Variants in ZNF385D observed in about 807,000 individuals in gnomAD.
ZNF385D encodes zinc finger protein 659.
In ZNF385D, 15 loss-of-function variants were observed where a neutral mutation model predicts 35.8. The ratio of observed to expected loss-of-function variants is 0.42; its 90% CI spans 0.28 to 0.64. The LOEUF is 0.64. Ranked by LOEUF, ZNF385D falls within the 30% of genes least tolerant of loss-of-function variation. The pLI is 0.23. For missense variants in ZNF385D, 474 were observed against 494.6 expected, an observed-to-expected ratio of 0.96 and a Z score of 0.39; for synonymous variants, 212 against 186.8, an observed-to-expected ratio of 1.13 and a Z score of -1.10.
intron 3 of ZNF385D, among the ~76,000 whole-genome samples, chr3:22,097,926 C>A (rs1701716734): frequency 6.6e-6 from 1 of 151,998 alleles, no homozygotes; most frequent in African/African-American, 2.4e-5. Flanking sequence ...GTGGCATTGT[C>A]ATTTACAACT....
At chr3:22,216,917 A>T (rs1459774761) in intron 2 of ZNF385D, among the ~76,000 whole-genome samples, 1 of 152,136 alleles carries the variant, frequency 6.6e-6, no homozygotes, top group Non-Finnish European at 1.5e-5. Context: ...TATGATGAAG[A>T]TGAGTGAGCC....
Position 21,574,016 on chromosome 3 carries a change from C to T in ZNF385D, c.166-9332G>A, listed in dbSNP as rs994697749. Among the ~76,000 whole-genome samples the T allele has an allele frequency of 6.1e-5, 9 of 148,312 alleles. No homozygotes were observed. The East Asian group carries it at 8.0e-4, about 13-fold the overall frequency. On this transcript the variant is annotated intron_variant, in intron 2 of 7. Transcript: ENST00000281523. Reference sequence around the variant, plus strand: ...TGGAGGTTGCAGTGAGCTGAGATGACGCCACTGCACTCTAGCCTGCACAAC... The same window carrying T: ...TGGAGGTTGCAGTGAGCTGAGATGATGCCACTGCACTCTAGCCTGCACAAC...
intron 2 of ZNF385D, among the ~76,000 whole-genome samples, chr3:22,175,894 G>C (rs891335884): frequency 6.8e-6 from 1 of 148,122 alleles, no homozygotes; most frequent in African/African-American, 2.5e-5. Flanking sequence ...TTACTGTTAT[G>C]GTAAAACATT....
chr3:21,910,197 C>T (rs564457762), intron 3 of ZNF385D, among the ~76,000 whole-genome samples: 3 of 152,036 alleles, frequency 2.0e-5, no homozygotes, highest in African/African-American at 7.2e-5. Flanking sequence ...CTATGTGACT[C>T]TTGGGCTTCA....
intron 3 of ZNF385D, among the ~76,000 whole-genome samples, chr3:21,528,718 G>A (rs2061847234): frequency 6.6e-6 from 1 of 152,108 alleles, no homozygotes; most frequent in Non-Finnish European, 1.5e-5. Flanking sequence ...TCTTTTGATT[G>A]ATGTATACAG....
chr3:22,360,858 G>C (rs144555144), intron 2 of ZNF385D, among the ~76,000 whole-genome samples: 1 of 151,860 alleles, frequency 6.6e-6, no homozygotes, highest in East Asian at 1.9e-4. Flanking sequence ...GCTATTAATC[G>C]GGGCGATCAC....
chr3:21,544,439 G>T (rs2062300260), intron 3 of ZNF385D, among the ~76,000 whole-genome samples: 1 of 151,876 alleles, frequency 6.6e-6, no homozygotes, highest in Non-Finnish European at 1.5e-5. Context: ...TGTGTTTTGT[G>T]TTTTTTTTAG....
rs140017962 is a variant in ZNF385D at position 21,646,102 on chromosome 3, G to GTT, written c.165+18782_165+18783dup. ...AGGCTGAGGCCAAAGTGTCAGATAA[G>GTT]TTTTTTTTAAAGAAAGAAAACCTCA... is the stretch of plus-strand genomic sequence containing the variant. On this transcript the variant is annotated intron_variant, in intron 2 of 7. Transcript: ENST00000281523. This position sits in a 1 kb window ranked among gnomAD's most constrained non-coding sequence, Gnocchi z 4.3. 1.3e-5 allele frequency among the ~76,000 whole-genome samples: 2 copies of GTT among 151,858 alleles called. No individual in the cohort carries two copies. Among genetic ancestry groups the GTT allele is most frequent in the African/African-American group, 4.8e-5 (2 of 41,330 alleles).
intron 1 of ZNF385D, among the ~76,000 whole-genome samples, chr3:21,702,969 T>C (rs1465670480): frequency 6.6e-6 from 1 of 152,204 alleles, no homozygotes; most frequent in Non-Finnish European, 1.5e-5. Flanking sequence ...CTTTTCTATA[T>C]TCTTCTGAGC....
intron 1 of ZNF385D, among the ~76,000 whole-genome samples, chr3:21,741,843 C>G (rs1200241592): frequency 2.0e-5 from 3 of 152,118 alleles, no homozygotes; most frequent in African/African-American, 7.2e-5. Flanking sequence ...GGTTCCTGCC[C>G]TGCTCGCTTT....
Position 21,415,151 on chromosome 3 carries a change from T to C in ZNF385D, c.*6063A>G, listed in dbSNP as rs991512748. 6.6e-6 allele frequency: 1 copy of C among 152,160 alleles called. No homozygotes were observed. The highest frequency in any genetic ancestry group is 1.5e-5 in the Non-Finnish European group (1 of 68,016). The allele number at this position is 152,160 out of a possible 1,614,324, so 9.4% of individuals were successfully genotyped here. ...AATAGATTTATGTTGAACAATCCTA[T>C]TAGTGAGAGACTTTAAAAATAATAT... On this transcript the variant is annotated 3_prime_UTR_variant, in exon 8 of 8. Coordinates refer to ENST00000281523, the MANE Select transcript of ZNF385D (RefSeq NM_024697.3).
intron 3 of ZNF385D, among the ~76,000 whole-genome samples, chr3:22,063,685 C>T (rs992817344): frequency 2.0e-5 from 3 of 152,176 alleles, no homozygotes; most frequent in Non-Finnish European, 4.4e-5. Flanking sequence ...GCTGATAGCC[C>T]TCAGCTCTCT....
chr3:22,204,853 A>G (rs1206184121), intron 2 of ZNF385D, among the ~76,000 whole-genome samples: 1 of 151,886 alleles, frequency 6.6e-6, no homozygotes, highest in African/African-American at 2.4e-5. Context: ...AAGCATGCCT[A>G]CAAGATCTAG....
At chr3:21,696,993 T>C (rs1038817362) in intron 1 of ZNF385D, among the ~76,000 whole-genome samples, 14 of 152,338 alleles carry the variant, frequency 9.2e-5, no homozygotes, top group African/African-American at 3.4e-4. Context: ...TAACAGTTTA[T>C]ATATCATTCT....
At chr3:21,668,186 C>T (rs2066462886) in intron 1 of ZNF385D, among the ~76,000 whole-genome samples, 1 of 152,124 alleles carries the variant, frequency 6.6e-6, no homozygotes, top group Non-Finnish European at 1.5e-5. Flanking sequence ...GGCCTGAGAG[C>T]CTCTTTACAA....
chr3:21,629,613 C>T lies in ZNF385D; in HGVS notation c.165+35273G>A, dbSNP rs149546237. Among the ~76,000 whole-genome samples the T allele has an allele frequency of 3.1e-3, 471 of 152,216 alleles. 10 individuals carry two copies. The East Asian group carries it at 0.071, about 23-fold the overall frequency. On this transcript the variant is annotated intron_variant, in intron 2 of 7. Transcript: ENST00000281523. ...TTTCTTCTTCTTTTTTTAACCCAAT[C>T]AGCATTTCCTCAGGCTTCCTTCTAG...
rs529002353 is a variant in ZNF385D, at chr3:21,519,398, T to G, written c.277-8375A>C. On this transcript the variant is annotated intron_variant, in intron 3 of 7. Transcript: ENST00000281523. ...TTCACCATTCCTTAACATTAGGTAT[T>G]TAATGTTTTCAAGTATCTAAAGTGA... Among the ~76,000 whole-genome samples the G allele has an allele frequency of 3.9e-5, 6 of 152,296 alleles. No individual in the cohort carries two copies. In the South Asian group the frequency reaches 1.0e-3, roughly 26 times the overall value.
At chr3:21,965,333 G>A (rs978024385) in intron 3 of ZNF385D, among the ~76,000 whole-genome samples, 3 of 152,122 alleles carry the variant, frequency 2.0e-5, no homozygotes, top group Non-Finnish European at 4.4e-5. Context: ...CAATTACTGA[G>A]TACTTACTGT....
In ZNF385D at chr3:21,606,680, T is replaced by G. The variant is rs190203531; in HGVS notation, c.166-41996A>C. Among the ~76,000 whole-genome samples, 80 of 152,258 alleles carry G rather than the reference T, an allele frequency of 5.3e-4. No individual in the cohort carries two copies. In the East Asian group the frequency reaches 0.012, roughly 22 times the overall value. ...GACCTGAACTGAAAAACAAAAGGTTTGGATTATAGGAAGCCATCTGCAAGA... is the reference window on the plus strand; with the variant it reads ...GACCTGAACTGAAAAACAAAAGGTTGGGATTATAGGAAGCCATCTGCAAGA... On this transcript the variant is annotated intron_variant, in intron 2 of 7. Transcript: ENST00000281523.
Sources: gnomAD v4.1 joint callset for allele counts (sites outside exome capture counted in the v4.1 genomes callset) on GRCh38, gnomAD v4.1.1 for gene constraint, Gnocchi (gnomAD v3.1) non-coding constraint, MANE v1.5 for transcripts, NCBI Gene and HGNC (gene_info 2026-07-23, HGNC 2026-07-21) for gene names.